The following EXT1 variants were observed in gnomAD, a reference collection of about 807,000 sequenced individuals.
EXT1 encodes exostosin-1.
In EXT1, 20 loss-of-function variants were observed where a neutral mutation model predicts 82.5. The observed-to-expected ratio is 0.24, with a 90% CI of 0.17 to 0.35. EXT1 has a LOEUF of 0.35. Ranked by LOEUF, EXT1 falls within the 10% of genes least tolerant of loss-of-function variation. The probability of loss-of-function intolerance (pLI) is 1.00; values close to 1 mark genes in which losing one functional copy is unlikely to be tolerated. For synonymous variants in EXT1, 348 were observed against 350.8 expected, an observed-to-expected ratio of 0.99 and a Z score of 0.09; for missense variants, 757 against 936.5, an observed-to-expected ratio of 0.81 and a Z score of 2.50.
At chr8:117,998,113 A>G (rs1195809808) in intron 1 of EXT1, among the ~76,000 whole-genome samples, 1 of 150,662 alleles carries the variant, frequency 6.6e-6, no homozygotes, top group African/African-American at 2.5e-5. Context: ...TCCTGAGTTC[A>G]AGCAATTCTC....
intron 1 of EXT1, among the ~76,000 whole-genome samples, chr8:117,880,082 GA>G: frequency 6.6e-6 from 1 of 152,286 alleles, no homozygotes; most frequent in Non-Finnish European, 1.5e-5. Flanking sequence ...TACCATGTGG[GA>G]ATTTTTGACA....
chr8:117,943,947 C>G (rs2129678801), intron 1 of EXT1, among the ~76,000 whole-genome samples: 1 of 152,310 alleles, frequency 6.6e-6, no homozygotes, highest in East Asian at 1.9e-4. Flanking sequence ...TTCACCCTCC[C>G]ACCCCCTCTG....
At chr8:117,910,362 C>G (rs1370406934) in intron 1 of EXT1, among the ~76,000 whole-genome samples, 1 of 152,184 alleles carries the variant, frequency 6.6e-6, no homozygotes, top group Admixed American at 6.5e-5. Flanking sequence ...ACATATCTGT[C>G]TCCTGGCTAG....
intron 1 of EXT1, among the ~76,000 whole-genome samples, chr8:117,975,605 C>T (rs17431076): frequency 3.9e-5 from 6 of 152,072 alleles, no homozygotes; most frequent in Non-Finnish European, 8.8e-5. Flanking sequence ...CACCACCCCC[C>T]ACTCCCTTCC....
At chr8:117,925,545 G>A (rs1300877409) in intron 1 of EXT1, among the ~76,000 whole-genome samples, 2 of 151,894 alleles carry the variant, frequency 1.3e-5, no homozygotes, top group Non-Finnish European at 2.9e-5. Context: ...CCAGGTTTAT[G>A]AGAACAGATC....
intron 4 of EXT1, among the ~76,000 whole-genome samples, chr8:117,827,784 C>CAAAAAAAAAAAAAAAAAAAAAAA (rs768731740): frequency 9.2e-5 from 5 of 54,138 alleles, no homozygotes; most frequent in African/African-American, 4.0e-4. Flanking sequence ...GACTCTGTCT[C>CAAAAAAAAAAAAAAAAAAAAAAA]AAAAAAAAAA....
At chr8:117,908,364 T>C (rs1484858088) in intron 1 of EXT1, among the ~76,000 whole-genome samples, 2 of 152,218 alleles carry the variant, frequency 1.3e-5, no homozygotes, top group Non-Finnish European at 2.9e-5. Context: ...TCATGGTGTC[T>C]CATGCCTGTA....
chr8:117,799,208 C>T lies in EXT1; in HGVS notation c.*504G>A, dbSNP rs1236753456. ...GCAAAGTTGAATAATGAAGTTACAA[C>T]TTATGCTCAGTTATTTCTTGATAAT... On this transcript the variant is annotated 3_prime_UTR_variant, in exon 11 of 11. Coordinates refer to ENST00000378204, the MANE Select transcript of EXT1 (RefSeq NM_000127.3). 1 of 165,944 alleles carries T rather than the reference C, an allele frequency of 6.0e-6. No homozygotes were observed. Among genetic ancestry groups the T allele is most frequent in the African/African-American group, 2.4e-5 (1 of 41,780 alleles). The allele number at this position is 165,944 out of a possible 1,614,324, so 10.3% of individuals were successfully genotyped here.
intron 1 of EXT1, among the ~76,000 whole-genome samples, chr8:117,930,069 A>C (rs1482222548): frequency 1.3e-5 from 2 of 152,020 alleles, no homozygotes. Context: ...CGCACATTGC[A>C]CTGCAGCCTG....
chr8:118,015,042 C>G (rs1175249566), intron 1 of EXT1, among the ~76,000 whole-genome samples: 1 of 152,184 alleles, frequency 6.6e-6, no homozygotes, highest in Non-Finnish European at 1.5e-5. Flanking sequence ...TTATTTAGCA[C>G]TGTACAGATT....
chr8:117,873,412 T>C (rs2129899280), intron 1 of EXT1, among the ~76,000 whole-genome samples: 1 of 151,304 alleles, frequency 6.6e-6, no homozygotes, highest in East Asian at 1.9e-4. Context: ...TGGAGAAAAT[T>C]AGCAAGTATG....
intron 1 of EXT1, among the ~76,000 whole-genome samples, chr8:118,031,094 T>C (rs574764447): frequency 1.3e-5 from 2 of 152,262 alleles, no homozygotes; most frequent in Admixed American, 1.3e-4. Flanking sequence ...AGAAACAGCC[T>C]GTCCAGTCTA....
intron 1 of EXT1, among the ~76,000 whole-genome samples, chr8:118,102,285 T>G (rs1360525074): frequency 7.2e-6 from 1 of 139,456 alleles, no homozygotes; most frequent in Non-Finnish European, 1.6e-5. Context: ...AATAAACAAA[T>G]AAAATATATG....
intron 1 of EXT1, among the ~76,000 whole-genome samples, chr8:117,871,946 G>C (rs993270645): frequency 6.6e-6 from 1 of 152,032 alleles, no homozygotes; most frequent in African/African-American, 2.4e-5. Flanking sequence ...GCAACATAGC[G>C]AGACCTTGTC....
chr8:118,060,533 C>T (rs1194236705), intron 1 of EXT1, among the ~76,000 whole-genome samples: 2 of 152,204 alleles, frequency 1.3e-5, no homozygotes, highest in African/African-American at 4.8e-5. Context: ...CCAACTTGTA[C>T]ACTCTCAGGA....
At chr8:118,090,412 C>T (rs1033241062) in intron 1 of EXT1, among the ~76,000 whole-genome samples, 1 of 151,202 alleles carries the variant, frequency 6.6e-6, no homozygotes, top group Non-Finnish European at 1.5e-5. Flanking sequence ...AGAGCAAGAC[C>T]GTGTCTTGAA....
chr8:117,959,571 A>C (rs1814657755), intron 1 of EXT1, among the ~76,000 whole-genome samples: 1 of 152,176 alleles, frequency 6.6e-6, no homozygotes, highest in African/African-American at 2.4e-5. Flanking sequence ...AGCACTTCGC[A>C]TTATCTTATT....
chr8:117,825,236 C>A (rs1239116406), intron 4 of EXT1, among the ~76,000 whole-genome samples: 1 of 152,088 alleles, frequency 6.6e-6, no homozygotes, highest in Non-Finnish European at 1.5e-5. Flanking sequence ...ATTAGTATTG[C>A]CAAGTGTCTT....
At chr8:118,109,756 T>C (rs1586279096) in intron 1 of EXT1, among the ~76,000 whole-genome samples, 1 of 152,168 alleles carries the variant, frequency 6.6e-6, no homozygotes, top group Admixed American at 6.5e-5. Context: ...CCAGTACCCA[T>C]GCCTGAAATG....
Sources: allele counts gnomAD v4.1 joint callset (sites outside exome capture counted in the v4.1 genomes callset), GRCh38; gene constraint gnomAD v4.1.1; transcripts MANE v1.5; gene names NCBI Gene and HGNC (gene_info 2026-07-23, HGNC 2026-07-21).